MIPEP: variants seen among roughly 807,000 people sequenced by gnomAD.
MIPEP encodes mitochondrial intermediate peptidase.
Under a neutral mutation model 90.3 loss-of-function variants are expected in MIPEP, and 79 were observed. The ratio of observed to expected loss-of-function variants is 0.87; its 90% CI spans 0.73 to 1.05. The LOEUF (loss-of-function observed/expected upper bound fraction) is 1.05, where lower values mean the gene tolerates loss of function less well. MIPEP is among the 50% of genes least tolerant of loss of function. The probability of loss-of-function intolerance (pLI) is 0.00; values close to 1 mark genes in which losing one functional copy is unlikely to be tolerated. For missense variants in MIPEP, 940 were observed against 905.6 expected (o/e 1.04, Z -0.49); for synonymous variants, 334 against 315.8 (o/e 1.06, Z -0.61).
rs187178956 is a variant in MIPEP at position 23,792,608 on chromosome 13, T to C, written c.1848+13342A>G. ...CCTGGGCTCAAGCGATCCTCTCATC[T>C]TGGCCTCCCAAAGTGCTAGGATTAC... On this transcript the variant is annotated intron_variant, in intron 16 of 18. Coordinates refer to ENST00000382172, the MANE Select transcript of MIPEP (RefSeq NM_005932.4). 7.4e-4 allele frequency among the ~76,000 whole-genome samples: 112 copies of C among 152,356 alleles called. 1 individual carries two copies. Among genetic ancestry groups the C allele is most frequent in the African/African-American group, 2.5e-3 (104 of 41,586 alleles).
intron 16 of MIPEP, among the ~76,000 whole-genome samples, chr13:23,804,858 A>G (rs1333144926): frequency 6.6e-6 from 1 of 152,214 alleles, no homozygotes; most frequent in Non-Finnish European, 1.5e-5. Context: ...TGCTTTTTAT[A>G]GTTTACAAAA....
At chr13:23,857,446 T>C (rs994507226) in intron 10 of MIPEP, among the ~76,000 whole-genome samples, 1 of 152,206 alleles carries the variant, frequency 6.6e-6, no homozygotes, top group South Asian at 2.1e-4. Flanking sequence ...GGTACACACC[T>C]GTAGTGCCAG....
At chr13:23,764,264 C>T (rs906917184) in intron 16 of MIPEP, among the ~76,000 whole-genome samples, 35 of 152,264 alleles carry the variant, frequency 2.3e-4, no homozygotes, top group African/African-American at 7.9e-4. Context: ...CTCAGTGATC[C>T]CATACGAAAG....
chr13:23,888,639 A>G (rs954984722), intron 1 of MIPEP: 1 of 880,554 alleles, frequency 1.1e-6, no homozygotes, highest in African/African-American at 1.8e-5. Context: ...AAATAAATTA[A>G]TTAATAGATG....
intron 18 of MIPEP, among the ~76,000 whole-genome samples, chr13:23,739,329 C>A (rs944817280): frequency 6.6e-6 from 1 of 152,134 alleles, no homozygotes; most frequent in Non-Finnish European, 1.5e-5. Context: ...GGGAGGTGCC[C>A]TTTGGAGATG....
chr13:23,730,408 T>TA lies in MIPEP; in HGVS notation c.2081dup (p.Ser695LysfsTer19), dbSNP rs1318217275. ...GATCCAAGTCGGAAACGAGGGCACT[T>TA]ACGAAGTCATCAACAGAAGGACACT... On this transcript the variant is annotated frameshift_variant, in exon 19 of 19. Coordinates refer to ENST00000382172, the MANE Select transcript of MIPEP (RefSeq NM_005932.4). LOFTEE classifies it high-confidence loss of function. The TA allele has an allele frequency of 6.2e-7, 1 of 1,612,790 alleles. No individual in the cohort carries two copies. The highest frequency in any genetic ancestry group is 8.5e-7 in the Non-Finnish European group (1 of 1,179,114).
chr13:23,826,421 G>A (rs1593175965), intron 14 of MIPEP, among the ~76,000 whole-genome samples: 1 of 152,046 alleles, frequency 6.6e-6, no homozygotes, highest in Non-Finnish European at 1.5e-5. Flanking sequence ...GATGACACAT[G>A]AAGCCATAAA....
At chr13:23,780,559 A>G (rs923686423) in intron 16 of MIPEP, among the ~76,000 whole-genome samples, 4 of 152,382 alleles carry the variant, frequency 2.6e-5, no homozygotes, top group South Asian at 2.1e-4. Flanking sequence ...CTCCCCCTCC[A>G]AAGGAACACA....
rs1362765966 is a variant in MIPEP, at chr13:23,864,140, C to T, written c.992+1G>A. Reference sequence around the variant, plus strand: ...AACTAAATAGTAGAATAAAAACTAACCTTTCAGAAAGTTTGTCAGATAGTT... The same window carrying T: ...AACTAAATAGTAGAATAAAAACTAATCTTTCAGAAAGTTTGTCAGATAGTT... On this transcript the variant is annotated splice_donor_variant, in intron 8 of 18. Coordinates refer to ENST00000382172, the MANE Select transcript of MIPEP (RefSeq NM_005932.4). LOFTEE classifies it high-confidence loss of function. 1 of 1,535,718 alleles carries T rather than the reference C, an allele frequency of 6.5e-7. No homozygotes were observed. Among genetic ancestry groups the T allele is most frequent in the Non-Finnish European group, 8.8e-7 (1 of 1,130,812 alleles).
In MIPEP at chr13:23,732,964, A is replaced by C. The variant is rs1046177904; in HGVS notation, c.2045-2519T>G. Among the ~76,000 whole-genome samples the C allele has an allele frequency of 3.9e-5, 6 of 152,364 alleles. No homozygotes were observed. In the East Asian group the frequency reaches 1.2e-3, roughly 29 times the overall value. On this transcript the variant is annotated intron_variant, in intron 18 of 18. Transcript: ENST00000382172. ...TATTGAACTCTAATGCTATGCATGT[A>C]AACGAATCTAGGTGTAAAATGTACT...
chr13:23,737,599 T>C (rs1474919430), intron 18 of MIPEP, among the ~76,000 whole-genome samples: 1 of 152,250 alleles, frequency 6.6e-6, no homozygotes, highest in East Asian at 1.9e-4. Context: ...CCTGTTATTT[T>C]GTAATACATA....
intron 16 of MIPEP, among the ~76,000 whole-genome samples, chr13:23,777,233 T>C (rs559752654): frequency 5.3e-5 from 8 of 152,332 alleles, no homozygotes; most frequent in African/African-American, 1.9e-4. Context: ...TTCTCTAACA[T>C]GGTAGCATCA....
At position 23,881,031 on chromosome 13, in the gene MIPEP, T is replaced by A. The variant is rs151309233; in HGVS notation, c.452+668A>T. ...TACAGCGCTGTCCACCATTCAGTTATTTTAACAAGCATTATGGAGCTCTTA... is the reference window on the plus strand; with the variant it reads ...TACAGCGCTGTCCACCATTCAGTTAATTTAACAAGCATTATGGAGCTCTTA... On this transcript the variant is annotated intron_variant, in intron 3 of 18. Transcript: ENST00000382172. Among the ~76,000 whole-genome samples the A allele has an allele frequency of 7.8e-3, 1,190 of 152,336 alleles. 15 individuals are homozygous for A. Among genetic ancestry groups the A allele is most frequent in the African/African-American group, 0.027 (1,130 of 41,560 alleles).
intron 1 of MIPEP, 109 bp downstream of exon 1, chr13:23,889,023 G>T: frequency 9.4e-7 from 1 of 1,064,942 alleles, no homozygotes; most frequent in Non-Finnish European, 1.2e-6. Flanking sequence ...TGGGTTCGCT[G>T]CTCGCCTCCT....
chr13:23,770,174 C>CT (rs1952633571), intron 16 of MIPEP, among the ~76,000 whole-genome samples: 1 of 152,130 alleles, frequency 6.6e-6, no homozygotes, highest in Non-Finnish European at 1.5e-5. Flanking sequence ...CAAGCAGAAC[C>CT]CTGGAATGGC....
intron 18 of MIPEP, among the ~76,000 whole-genome samples, chr13:23,743,426 G>T (rs1207598136): frequency 6.6e-6 from 1 of 152,224 alleles, no homozygotes; most frequent in African/African-American, 2.4e-5. Flanking sequence ...GCTAAAGGTG[G>T]ATTCCCTCTA....
In MIPEP at chr13:23,735,899, AT is replaced by A. The variant is rs879777532; in HGVS notation, c.2045-5455del. On this transcript the variant is annotated intron_variant, in intron 18 of 18. Transcript: ENST00000382172. ...ACATGAACTAAACCCTACACAGAAA[AT>A]TTAAAAAAAAAACAAAAAAAACAAT... Among the ~76,000 whole-genome samples, 178 of 151,214 alleles carry A rather than the reference AT, an allele frequency of 1.2e-3. 1 individual carries two copies. Among genetic ancestry groups the A allele is most frequent in the East Asian group, 5.0e-3 (26 of 5,182 alleles).
Position 23,760,168 on chromosome 13 carries a change from TA to T in MIPEP, c.1897del (p.Tyr633ThrfsTer62). On this transcript the variant is annotated frameshift_variant, in exon 17 of 19. Transcript: ENST00000382172. LOFTEE classifies it high-confidence loss of function. Reference sequence around the variant, plus strand: ...GACCGCTCTGGACATGAGGTAAGAGTAATATCTAGCACCATACCCCACGAGG... The same window carrying T: ...GACCGCTCTGGACATGAGGTAAGAGTATATCTAGCACCATACCCCACGAGG... ...SHLVGYGARYYSYLMSRAVAS... is the reference protein window; with the variant it reads ...SHLVGYGARYXSYLMSRAVAS... 6.2e-7 allele frequency: 1 copy of T among 1,613,858 alleles called. No individual in the cohort carries two copies. Among genetic ancestry groups the T allele is most frequent in the African/African-American group, 1.3e-5 (1 of 74,954 alleles).
At position 23,760,181 on chromosome 13, in the gene MIPEP, C is replaced by T; in HGVS notation, c.1885G>A (p.Gly629Ser). 6.2e-7 allele frequency: 1 copy of T among 1,614,088 alleles called. No homozygotes were observed. Among genetic ancestry groups the T allele is most frequent in the Non-Finnish European group, 8.5e-7 (1 of 1,180,016 alleles). ...QLRFSHLVGY[G>S]ARYYSYLMSR... ...ATGAGGTAAGAGTAATATCTAGCAC[C>T]ATACCCCACGAGGTGGCTGAATCGC... The change falls in exon 17 of 19, where the codon GGT becomes AGT. Residue 629 changes from glycine to serine, a missense_variant. Gly to Ser is a moderately conservative substitution (Grantham distance 56). Transcript: ENST00000382172.
Sources: gnomAD v4.1 joint callset for allele counts (sites outside exome capture counted in the v4.1 genomes callset) on GRCh38, gnomAD v4.1.1 for gene constraint, MANE v1.5 for transcripts, NCBI Gene and HGNC (gene_info 2026-07-23, HGNC 2026-07-21) for gene names.